Variants in DPF2 observed in about 807,000 individuals in gnomAD.
DPF2 encodes zinc finger protein ubi-d4.
DPF2 carries 10 observed loss-of-function variants against 59.6 expected under a neutral mutation model. That is an observed-to-expected ratio of 0.17 (90% confidence interval 0.10 to 0.28). The LOEUF is 0.28. Ranked by LOEUF, DPF2 falls within the 10% of genes least tolerant of loss-of-function variation. The pLI, the probability that DPF2 is intolerant of heterozygous loss-of-function variation, is 1.00. For missense variants in DPF2, 315 were observed against 509.4 expected (o/e 0.62, Z 3.67); for synonymous variants, 189 against 190.6 (o/e 0.99, Z 0.07).
At chr11:65,344,319 C>T in intron 6 of DPF2, 2 of 614,262 alleles carry the variant, frequency 3.3e-6, no homozygotes, top group South Asian at 4.0e-5. Context: ...GGGGCCACAG[C>T]AGGCAGGGTT....
chr11:65,341,137 G>C, intron 3 of DPF2, 64 bp downstream of exon 3: 1 of 1,534,884 alleles, frequency 6.5e-7, no homozygotes, highest in South Asian at 1.1e-5. Context: ...GCTAATCACT[G>C]TGATATACCA....
intron 9 of DPF2, chr11:65,347,304 G>C (rs1189436771): frequency 6.6e-6 from 1 of 151,808 alleles, no homozygotes; most frequent in Non-Finnish European, 1.5e-5. Context: ...GTGAGCCACT[G>C]CACCCAGCTA....
intron 10 of DPF2, among the ~76,000 whole-genome samples, chr11:65,349,562 G>A (rs867723306): frequency 2.0e-5 from 3 of 152,224 alleles, no homozygotes; most frequent in Admixed American, 1.3e-4. Flanking sequence ...TTGGGAGGCC[G>A]AGGTGGGCGG....
rs532265156 is a variant in DPF2 at position 65,348,939 on chromosome 11, G to T, written c.1099+8G>T. The T allele has an allele frequency of 5.0e-6, 8 of 1,614,058 alleles. No homozygotes were observed. The highest frequency in any genetic ancestry group is 2.7e-5 in the African/African-American group (2 of 75,036). ...TGTCTGAGCCCCCTGAAGGTAAGTT[G>T]CCCAGATCTTTTACTCAGAACAATT... On this transcript the variant is annotated splice_region_variant and intron_variant, in intron 10 of 10. Transcript: ENST00000528416.
At chr11:65,343,027 C>T (rs1394926858) in intron 4 of DPF2, among the ~76,000 whole-genome samples, 4 of 150,310 alleles carry the variant, frequency 2.7e-5, no homozygotes, top group African/African-American at 7.4e-5. Context: ...TGGCCGGCCA[C>T]GGTGGCTGAC....
chr11:65,337,825 A>T (rs1854248514), intron 1 of DPF2, among the ~76,000 whole-genome samples: 1 of 151,536 alleles, frequency 6.6e-6, no homozygotes. Context: ...TTTTTTTGAG[A>T]CAGAGTTTCG....
rs1331486402 is a variant in DPF2, at chr11:65,341,530, G to A, written c.433G>A (p.Glu145Lys). 1 of 1,614,092 alleles carries A rather than the reference G, an allele frequency of 6.2e-7. No individual in the cohort carries two copies. Reference sequence around the variant, plus strand: ...CCGAGTTGATGATGACAGCCTGGGCGAGTTTCCTGTGACCAACAGTCGAGC... The same window carrying A: ...CCGAGTTGATGATGACAGCCTGGGCAAGTTTCCTGTGACCAACAGTCGAGC... ...DPRVDDDSLG[E>K]FPVTNSRARK... The change falls in exon 4 of 11, where the codon GAG (glutamate) becomes AAG (lysine). Residue 145 changes from glutamate (E) to lysine (K), a missense_variant. Glu to Lys is a moderately conservative substitution (Grantham distance 56, BLOSUM62 1). This residue lies in a region of DPF2 where 228 missense variants were observed against 275.3 expected (regional missense o/e 0.83). Coordinates refer to ENST00000528416, the MANE Select transcript of DPF2 (RefSeq NM_006268.5).
At chr11:65,350,945 C>A (rs1216249674) in intron 10 of DPF2, among the ~76,000 whole-genome samples, 1 of 150,908 alleles carries the variant, frequency 6.6e-6, no homozygotes, top group Non-Finnish European at 1.5e-5. Context: ...CACTGCTGTA[C>A]TCCAGCCTGA....
chr11:65,338,181 A>G (rs1370985869), intron 1 of DPF2, among the ~76,000 whole-genome samples: 2 of 152,066 alleles, frequency 1.3e-5, no homozygotes, highest in African/African-American at 4.8e-5. Context: ...TCTTGGTCTC[A>G]AGAGATCCAC....
chr11:65,349,592 G>C (rs1854631885), intron 10 of DPF2, among the ~76,000 whole-genome samples: 1 of 152,132 alleles, frequency 6.6e-6, no homozygotes, highest in African/African-American at 2.4e-5. Flanking sequence ...TCAGGACATG[G>C]AGACCATCCT....
Position 65,340,236 on chromosome 11 carries a change from T to C in DPF2, c.33-149T>C, listed in dbSNP as rs1275766759. The stretch of plus-strand genomic sequence containing the variant: ...CCTAGAAAAGGGGCTTCGTGTCCCA[T>C]GAGGCAGAAGTGGAGGCAAATAGAA... On this transcript the variant is annotated intron_variant, in intron 1 of 10. Transcript: ENST00000528416. The C allele has an allele frequency of 4.9e-6, 4 of 816,808 alleles. No homozygotes were observed. In the Admixed American group the frequency reaches 1.0e-4, roughly 21 times the overall value. The allele number at this position is 816,808 out of a possible 1,614,324, so 50.6% of individuals were successfully genotyped here. A position where few individuals can be genotyped will look rare whatever the true frequency, so the allele number is the denominator to read the frequency against.
At chr11:65,337,533 A>AGAGAGG (rs1854228565) in intron 1 of DPF2, among the ~76,000 whole-genome samples, 1 of 138,620 alleles carries the variant, frequency 7.2e-6, no homozygotes, top group Non-Finnish European at 1.6e-5. Flanking sequence ...AGAGAGAGAG[A>AGAGAGG]GAGAGAGAGA....
rs763037630 is a variant in DPF2, at chr11:65,352,227, CCT to C, written c.*469_*470del. ...ACGTCCACAAGGAGCTTTTCATGCC[CCT>C]GTGCCGCATAGCCTCACCTCTTTCC... On this transcript the variant is annotated 3_prime_UTR_variant, in exon 11 of 11. Transcript: ENST00000528416. 5.5e-5 allele frequency: 10 copies of C among 183,074 alleles called. No homozygotes were observed. Among genetic ancestry groups the C allele is most frequent in the Non-Finnish European group, 4.7e-5 (4 of 85,908 alleles). The allele number at this position is 183,074 out of a possible 1,614,324, so 11.3% of individuals were successfully genotyped here. A position where few individuals can be genotyped will look rare whatever the true frequency, so the allele number is the denominator to read the frequency against.
chr11:65,350,147 T>C (rs774621226), intron 10 of DPF2, among the ~76,000 whole-genome samples: 5 of 152,162 alleles, frequency 3.3e-5, no homozygotes, highest in Non-Finnish European at 7.4e-5. Flanking sequence ...ATGGCTTTCC[T>C]ATTAAAGTTC....
intron 10 of DPF2, among the ~76,000 whole-genome samples, chr11:65,349,330 G>A (rs556354022): frequency 1.3e-5 from 2 of 152,314 alleles, no homozygotes; most frequent in South Asian, 2.1e-4. Context: ...ACTGGGAAGG[G>A]ACTTGACTTT....
chr11:65,341,608 C>A (rs888688304), intron 4 of DPF2, 46 bp downstream of exon 4: 45 of 1,606,746 alleles, frequency 2.8e-5, no homozygotes, highest in Non-Finnish European at 3.7e-5. Context: ...TGGAAATCAG[C>A]CTCCTCTTCA....
chr11:65,344,433 C>G, intron 6 of DPF2: 1 of 718,236 alleles, frequency 1.4e-6, no homozygotes, highest in South Asian at 1.9e-5. Context: ...TTCTTTCTGT[C>G]TGCCTTGCCC....
intron 8 of DPF2, 47 bp from the exon 9 acceptor site, chr11:65,346,199 TC>T (rs1446441191): frequency 1.2e-6 from 2 of 1,602,544 alleles, no homozygotes; most frequent in South Asian, 1.1e-5. Context: ...GCTCCTCTCT[TC>T]CCCCCGCATT....
intron 4 of DPF2, 142 bp downstream of exon 4, chr11:65,341,704 T>C: frequency 8.6e-7 from 1 of 1,166,522 alleles, no homozygotes; most frequent in South Asian, 1.6e-5. Flanking sequence ...CTTCAGTCCC[T>C]GATTATTGTC....
Sources: allele counts gnomAD v4.1 joint callset (sites outside exome capture counted in the v4.1 genomes callset), GRCh38; gene constraint gnomAD v4.1.1; regional missense constraint gnomAD v4.1.1; transcripts MANE v1.5; gene names NCBI Gene and HGNC (gene_info 2026-07-23, HGNC 2026-07-21).